FAM240A: variants seen among roughly 807,000 people sequenced by gnomAD.
FAM240A encodes family with sequence similarity 240 member A.
Under a neutral mutation model 7.3 loss-of-function variants are expected in FAM240A, and 8 were observed. The ratio of observed to expected loss-of-function variants is 1.09; its 90% CI spans 0.64 to 1.97. The LOEUF is 1.97. Ranked by LOEUF, FAM240A falls within the 30% of genes most tolerant of loss-of-function variation. The pLI is 0.00. For synonymous variants in FAM240A, 32 were observed against 35.9 expected (o/e 0.89, Z 0.38); for missense variants, 90 against 102.2 (o/e 0.88, Z 0.52).
At chr3:46,614,616 G>A (rs1160244993) in intron 1 of FAM240A, among the ~76,000 whole-genome samples, 1 of 152,242 alleles carries the variant, frequency 6.6e-6, no homozygotes, top group Non-Finnish European at 1.5e-5. Context: ...CTCCCAGTGA[G>A]TGGGCATGGT....
chr3:46,618,546 A>C (rs1697655449), intron 2 of FAM240A, among the ~76,000 whole-genome samples: 1 of 152,192 alleles, frequency 6.6e-6, no homozygotes, highest in Non-Finnish European at 1.5e-5. Flanking sequence ...AAACATTAAA[A>C]ATATATACAT....
chr3:46,624,464 G>T (rs1325135714), intron 2 of FAM240A, among the ~76,000 whole-genome samples: 4 of 151,776 alleles, frequency 2.6e-5, no homozygotes, highest in Admixed American at 2.0e-4. Context: ...TAGAGACAGG[G>T]TTTCACCATA....
At chr3:46,614,334 A>G (rs1333399531) in intron 1 of FAM240A, among the ~76,000 whole-genome samples, 1 of 152,250 alleles carries the variant, frequency 6.6e-6, no homozygotes, top group Non-Finnish European at 1.5e-5. Context: ...AGTAGCCACT[A>G]CAGTTCTGCT....
intron 2 of FAM240A, among the ~76,000 whole-genome samples, chr3:46,618,943 T>G (rs1196058211): frequency 6.7e-6 from 1 of 149,494 alleles, no homozygotes; most frequent in Non-Finnish European, 1.5e-5. Context: ...TCTATGCATA[T>G]AATAAAAGAA....
At chr3:46,624,992 C>A in intron 2 of FAM240A, 136 bp from the exon 3 acceptor site, 1 of 312,002 alleles carries the variant, frequency 3.2e-6, no homozygotes, top group South Asian at 7.1e-5. Flanking sequence ...TTTAAACTTG[C>A]ATGTCCTCTG....
At chr3:46,622,129 T>G (rs1403305804) in intron 2 of FAM240A, among the ~76,000 whole-genome samples, 1 of 146,218 alleles carries the variant, frequency 6.8e-6, no homozygotes, top group Non-Finnish European at 1.5e-5. Flanking sequence ...TTTTTTTTTT[T>G]TGAGACAGAG....
At chr3:46,613,172 T>C (rs1304720113) in intron 1 of FAM240A, among the ~76,000 whole-genome samples, 1 of 152,172 alleles carries the variant, frequency 6.6e-6, no homozygotes, top group East Asian at 1.9e-4. Context: ...GTTTTAGCAA[T>C]TGTACACTGC....
intron 2 of FAM240A, among the ~76,000 whole-genome samples, chr3:46,618,874 T>TAC (rs1277317971): frequency 2.5e-5 from 1 of 40,126 alleles, no homozygotes; most frequent in Non-Finnish European, 5.4e-5. Context: ...TATGTATATA[T>TAC]ATATATATAC....
intron 1 of FAM240A, among the ~76,000 whole-genome samples, chr3:46,612,946 A>T (rs570979570): frequency 6.6e-6 from 1 of 152,212 alleles, no homozygotes; most frequent in African/African-American, 2.4e-5. Context: ...CTCATTGTAG[A>T]CACCAGGAAA....
chr3:46,622,229 C>T (rs1439064993), intron 2 of FAM240A, among the ~76,000 whole-genome samples: 1 of 151,124 alleles, frequency 6.6e-6, no homozygotes, highest in African/African-American at 2.4e-5. Flanking sequence ...CCTCAGCCTC[C>T]CGAGTAACTG....
intron 2 of FAM240A, among the ~76,000 whole-genome samples, chr3:46,621,620 C>T (rs555527722): frequency 6.6e-6 from 1 of 152,162 alleles, no homozygotes; most frequent in South Asian, 2.1e-4. Flanking sequence ...ATTGGCCAGG[C>T]ATGCTACCAC....
chr3:46,623,866 T>C (rs1423167003), intron 2 of FAM240A, among the ~76,000 whole-genome samples: 1 of 152,218 alleles, frequency 6.6e-6, no homozygotes. Context: ...GTTTACACCA[T>C]TAACATTAAT....
intron 2 of FAM240A, among the ~76,000 whole-genome samples, chr3:46,622,540 A>T (rs1019048006): frequency 6.6e-6 from 1 of 152,182 alleles, no homozygotes; most frequent in Non-Finnish European, 1.5e-5. Flanking sequence ...GATTAATAAT[A>T]CCTTTTGACT....
intron 2 of FAM240A, among the ~76,000 whole-genome samples, chr3:46,621,742 A>G (rs926048003): frequency 1.2e-4 from 18 of 151,054 alleles, no homozygotes; most frequent in Admixed American, 3.3e-4. Context: ...TGCCACTGCA[A>G]TCCAGCCTGG....
In FAM240A at chr3:46,616,689, T is replaced by TCA. The variant is rs1697631443; in HGVS notation, c.16-494_16-493insCA. ...CTTTTTTAGGCTGAGTAGTATTCCA[T>TCA]TACACACACACACACACACACACAC... On this transcript the variant is annotated intron_variant, in intron 1 of 2. Coordinates refer to ENST00000640551, the MANE Select transcript of FAM240A (RefSeq NM_001195442.2). Among the ~76,000 whole-genome samples the TCA allele has an allele frequency of 3.3e-5, 3 of 92,048 alleles. No individual in the cohort carries two copies. In the Admixed American group the frequency reaches 3.8e-4, roughly 12 times the overall value. The allele number at this position is 92,048 out of a possible 152,430, so 60.4% of individuals were successfully genotyped here.
At chr3:46,617,526 A>G (rs1160372956) in intron 2 of FAM240A, among the ~76,000 whole-genome samples, 198 bp downstream of exon 2, 5 of 152,182 alleles carry the variant, frequency 3.3e-5, no homozygotes, top group African/African-American at 1.2e-4. Flanking sequence ...CTGACTTTCA[A>G]GTCATGATTA....
At position 46,624,264 on chromosome 3, in the gene FAM240A, ATT is replaced by A. The variant is rs59290700; in HGVS notation, c.162-840_162-839del. Among the ~76,000 whole-genome samples the A allele has an allele frequency of 3.9e-3, 376 of 96,456 alleles. 1 individual carries two copies. Among genetic ancestry groups the A allele is most frequent in the African/African-American group, 0.015 (337 of 22,944 alleles). The allele number at this position is 96,456 out of a possible 152,430, so 63.3% of individuals were successfully genotyped here. On this transcript the variant is annotated intron_variant, in intron 2 of 2. Transcript: ENST00000640551. ...ATAGTTTTACTTTCAACGGTGGGCT[ATT>A]TTTTTTTTTTTTTTTTTTTTTTTGA...
chr3:46,620,588 T>G lies in FAM240A; in HGVS notation c.161+3260T>G, dbSNP rs536004478. Among the ~76,000 whole-genome samples, 18 of 150,788 alleles carry G rather than the reference T, an allele frequency of 1.2e-4. No individual in the cohort carries two copies. The South Asian group carries it at 3.6e-3, about 30-fold the overall frequency. On this transcript the variant is annotated intron_variant, in intron 2 of 2. Coordinates refer to ENST00000640551, the MANE Select transcript of FAM240A (RefSeq NM_001195442.2). ...CAGGAAACAGAGGAATGGGTTACAGTCACACAGGAATACAGTCAGCAAAAT... is the reference window on the plus strand; with the variant it reads ...CAGGAAACAGAGGAATGGGTTACAGGCACACAGGAATACAGTCAGCAAAAT...
chr3:46,618,065 C>G (rs560022443), intron 2 of FAM240A, among the ~76,000 whole-genome samples: 2 of 152,194 alleles, frequency 1.3e-5, no homozygotes, highest in South Asian at 4.1e-4. Context: ...AGCTGTCTGA[C>G]GAGGCCATGG....
Sources: gnomAD v4.1 joint callset for allele counts (sites outside exome capture counted in the v4.1 genomes callset) on GRCh38, gnomAD v4.1.1 for gene constraint, MANE v1.5 for transcripts, NCBI Gene and HGNC (gene_info 2026-07-23, HGNC 2026-07-21) for gene names.